Variants in SNX1 observed in about 807,000 individuals in gnomAD.
SNX1 encodes the protein sorting nexin-1.
A neutral mutation model predicts 71.8 loss-of-function variants in SNX1; 36 were observed. The observed-to-expected ratio is 0.50, with a 90% confidence interval of 0.38 to 0.66. The LOEUF is 0.66. SNX1 is among the 30% of genes least tolerant of loss of function. SNX1 has a pLI of 0.00. For missense variants in SNX1, 612 were observed against 646.7 expected, an observed-to-expected ratio of 0.95 and a Z score of 0.58; for synonymous variants, 254 against 240.7, an observed-to-expected ratio of 1.06 and a Z score of -0.51.
chr15:64,115,566 T>C (rs1356878927), intron 2 of SNX1: 1 of 210,820 alleles, frequency 4.7e-6, no homozygotes. Context: ...CAAAAGGCTT[T>C]TTTTTTTTTT....
At position 64,109,878 on chromosome 15, in the gene SNX1, G is replaced by A. The variant is rs560307159; in HGVS notation, c.160-2695G>A. Among the ~76,000 whole-genome samples the A allele has an allele frequency of 7.2e-5, 11 of 152,256 alleles. No individual in the cohort carries two copies. In the East Asian group the frequency reaches 1.2e-3, roughly 16 times the overall value. On this transcript the variant is annotated intron_variant, in intron 1 of 14. Coordinates refer to ENST00000559844, the MANE Select transcript of SNX1 (RefSeq NM_003099.5). Reference sequence around the variant, plus strand: ...AATGCTTAGTGTTGCTGTGGATGCCGCACTCTTACACACTTCTGGGGGAAT... The same window carrying A: ...AATGCTTAGTGTTGCTGTGGATGCCACACTCTTACACACTTCTGGGGGAAT...
intron 4 of SNX1, 109 bp downstream of exon 4, chr15:64,118,963 C>T (rs985680214): frequency 1.3e-6 from 1 of 741,758 alleles, no homozygotes; most frequent in African/African-American, 2.0e-5. Context: ...ATGTGAAGTA[C>T]TTCATTAGTA....
chr15:64,130,114 T>A lies in SNX1; in HGVS notation c.921+85T>A, dbSNP rs896313509. ...TAAGGAGTCCTGAAATTTCTGAGAT[T>A]AGAAACTTTTTTATAAGATTTTTCA... On this transcript the variant is annotated intron_variant, in intron 9 of 14. Coordinates refer to ENST00000559844, the MANE Select transcript of SNX1 (RefSeq NM_003099.5). 1.5e-5 allele frequency: 22 copies of A among 1,471,048 alleles called. No individual in the cohort carries two copies. The East Asian group carries it at 4.1e-4, about 27-fold the overall frequency. The allele number at this position is 1,471,048 out of a possible 1,614,324, so 91.1% of individuals were successfully genotyped here.
At chr15:64,108,692 T>G (rs1449425850) in intron 1 of SNX1, among the ~76,000 whole-genome samples, 2 of 151,926 alleles carry the variant, frequency 1.3e-5, no homozygotes, top group Non-Finnish European at 2.9e-5. Context: ...AGGACAAAAA[T>G]AAAATATCAA....
intron 12 of SNX1, among the ~76,000 whole-genome samples, chr15:64,135,877 G>A (rs747722341): frequency 2.0e-5 from 3 of 151,922 alleles, no homozygotes; most frequent in Non-Finnish European, 2.9e-5. Context: ...AGCCAAGATC[G>A]CACCACTGTA....
rs1337209801 is a variant in SNX1, at chr15:64,129,810, A to C, written c.808-106A>C. ...TTTGAAAACAATTTACAGTTCAAAT[A>C]ATTTGTCTGGCAAGTTTTGGCATGC... On this transcript the variant is annotated intron_variant, in intron 8 of 14. Coordinates refer to ENST00000559844, the MANE Select transcript of SNX1 (RefSeq NM_003099.5). This position sits in a 1 kb window ranked among gnomAD's most constrained non-coding sequence, Gnocchi z 4.4. 1 of 782,848 alleles carries C rather than the reference A, an allele frequency of 1.3e-6. No individual in the cohort carries two copies. 48.5% of individuals were successfully genotyped at this position (782,848 alleles called of 1,614,324 possible). A position where few individuals can be genotyped will look rare whatever the true frequency, so the allele number is the denominator to read the frequency against.
intron 1 of SNX1, among the ~76,000 whole-genome samples, chr15:64,102,939 G>A (rs937599018): frequency 6.6e-6 from 1 of 151,654 alleles, no homozygotes; most frequent in African/African-American, 2.4e-5. Context: ...GCTAATTTTT[G>A]TATTTTTAGT....
chr15:64,138,323 C>CT lies in SNX1; in HGVS notation c.*706dup, dbSNP rs1205317987. ...CAAAGGAGGCAGAGACTTTCTCTCT[C>CT]TCTTTTTTTTTTTTTTTTGGTGTCC... On this transcript the variant is annotated 3_prime_UTR_variant, in exon 15 of 15. Transcript: ENST00000559844. 903 of 693,928 alleles carry CT rather than the reference C, an allele frequency of 1.3e-3. 9 individuals are homozygous for CT. The highest frequency in any genetic ancestry group is 0.012 in the African/African-American group (583 of 47,844). 43.0% of individuals were successfully genotyped at this position (693,928 alleles called of 1,614,324 possible). A position where few individuals can be genotyped will look rare whatever the true frequency, so the allele number is the denominator to read the frequency against.
At chr15:64,135,756 T>TAAA (rs1238742957) in intron 12 of SNX1, among the ~76,000 whole-genome samples, 2 of 32,146 alleles carry the variant, frequency 6.2e-5, no homozygotes, top group Non-Finnish European at 2.0e-4. Context: ...AGACTCTGTC[T>TAAA]CAAAAAAAAA....
At chr15:64,099,892 A>G (rs2080940649) in intron 1 of SNX1, among the ~76,000 whole-genome samples, 1 of 152,040 alleles carries the variant, frequency 6.6e-6, no homozygotes, top group Non-Finnish European at 1.5e-5. Context: ...TTGTATTTTT[A>G]GTAGAGATGG....
chr15:64,137,537 G>T (rs747417353), intron 14 of SNX1, 31 bp from the exon 15 acceptor site: 1 of 1,613,428 alleles, frequency 6.2e-7, no homozygotes, highest in Admixed American at 1.7e-5. Flanking sequence ...CTAGGTGGGG[G>T]CACTTGCTTA....
At position 64,123,021 on chromosome 15, in the gene SNX1, G is replaced by A. The variant is rs1451538736; in HGVS notation, c.467-482G>A. On this transcript the variant is annotated intron_variant, in intron 4 of 14. Transcript: ENST00000559844. Reference sequence around the variant, plus strand: ...CGGCACCAATGGAGGGGGTTGTGACGATATTTCTGAAAGAGCAAATCGAGC... The same window carrying A: ...CGGCACCAATGGAGGGGGTTGTGACAATATTTCTGAAAGAGCAAATCGAGC... Among the ~76,000 whole-genome samples the A allele has an allele frequency of 2.6e-5, 4 of 152,118 alleles. No individual in the cohort carries two copies. The East Asian group carries it at 7.7e-4, about 29-fold the overall frequency.
chr15:64,129,895 C>T lies in SNX1; in HGVS notation c.808-21C>T, dbSNP rs372070690. ...TAGGGGCAGCAGATAACTTGCCATC[C>T]CTGCCTTCTTGGTCTTGTAGCTGCC... is the stretch of plus-strand genomic sequence containing the variant. On this transcript the variant is annotated intron_variant, in intron 8 of 14. Transcript: ENST00000559844. This position sits in a 1 kb window ranked among gnomAD's most constrained non-coding sequence, Gnocchi z 4.4. 6.4e-7 allele frequency: 1 copy of T among 1,574,456 alleles called. No homozygotes were observed. Among genetic ancestry groups the T allele is most frequent in the African/African-American group, 1.3e-5 (1 of 74,160 alleles).
rs758584520 is a variant in SNX1, at chr15:64,130,033, A to G, written c.921+4A>G. ...CAAGATGAATGAATCAGACATTGTGAGTAGCCCTGTGCCTCTTACCTCCAC... is the reference window on the plus strand; with the variant it reads ...CAAGATGAATGAATCAGACATTGTGGGTAGCCCTGTGCCTCTTACCTCCAC... On this transcript the variant is annotated splice_donor_region_variant and intron_variant, in intron 9 of 14. Coordinates refer to ENST00000559844, the MANE Select transcript of SNX1 (RefSeq NM_003099.5). 5 of 1,606,510 alleles carry G rather than the reference A, an allele frequency of 3.1e-6. No homozygotes were observed. The highest frequency in any genetic ancestry group is 3.4e-6 in the Non-Finnish European group (4 of 1,173,250).
At chr15:64,137,484 G>C in intron 14 of SNX1, 84 bp from the exon 15 acceptor site, 4 of 1,509,216 alleles carry the variant, frequency 2.7e-6, no homozygotes, top group South Asian at 1.2e-5. Flanking sequence ...GGAGCGCCAG[G>C]GTACTGTGCT....
At chr15:64,123,030 G>C (rs779371766) in intron 4 of SNX1, among the ~76,000 whole-genome samples, 2 of 152,152 alleles carry the variant, frequency 1.3e-5, no homozygotes, top group Non-Finnish European at 2.9e-5. Flanking sequence ...CGATATTTCT[G>C]AAAGAGCAAA....
chr15:64,130,451 T>G (rs2081295265), intron 10 of SNX1, 130 bp downstream of exon 10: 3 of 727,060 alleles, frequency 4.1e-6, no homozygotes, highest in Non-Finnish European at 7.1e-6. Context: ...TGGTCCTTGA[T>G]GTTCTGATAA....
chr15:64,101,156 A>C (rs1007835803), intron 1 of SNX1, among the ~76,000 whole-genome samples: 1 of 152,202 alleles, frequency 6.6e-6, no homozygotes, highest in African/African-American at 2.4e-5. Flanking sequence ...AAAATTTGCC[A>C]TCTTAATCAT....
intron 2 of SNX1, among the ~76,000 whole-genome samples, chr15:64,113,130 A>C (rs1567321567): frequency 6.6e-6 from 1 of 152,230 alleles, no homozygotes; most frequent in Non-Finnish European, 1.5e-5. Context: ...ACTACTTCTA[A>C]TACAGCCTGA....
Sources: gnomAD v4.1 joint callset for allele counts (sites outside exome capture counted in the v4.1 genomes callset) on GRCh38, gnomAD v4.1.1 for gene constraint, Gnocchi (gnomAD v3.1) non-coding constraint, MANE v1.5 for transcripts, NCBI Gene and HGNC (gene_info 2026-07-23, HGNC 2026-07-21) for gene names.